Variants in KAZN observed in about 807,000 individuals in gnomAD.
KAZN encodes kazrin, periplakin interacting protein.
In KAZN, 40 loss-of-function variants were observed where a neutral mutation model predicts 87.4. The ratio of observed to expected loss-of-function variants is 0.46; its 90% CI spans 0.36 to 0.60. The LOEUF is 0.60. Among genes scored for constraint, KAZN ranks in the 20% least tolerant of loss-of-function variants. KAZN has a pLI of 0.00. For missense variants in KAZN, 898 were observed against 1,073.9 expected, an observed-to-expected ratio of 0.84 and a Z score of 2.29; for synonymous variants, 466 against 458.3, an observed-to-expected ratio of 1.02 and a Z score of -0.22.
intron 2 of KAZN, among the ~76,000 whole-genome samples, chr1:14,495,124 G>T (rs1423086865): frequency 1.3e-5 from 2 of 152,192 alleles, no homozygotes; most frequent in Non-Finnish European, 2.9e-5. Context: ...CTCCCAGAAC[G>T]GTATGCATCA....
intron 1 of KAZN, among the ~76,000 whole-genome samples, chr1:14,813,270 T>G (rs1327797763): frequency 6.6e-6 from 1 of 152,174 alleles, no homozygotes; most frequent in Non-Finnish European, 1.5e-5. Context: ...ATGACTTGAT[T>G]GAGTAATACA....
At chr1:15,015,934 C>G (rs575195386) in intron 2 of KAZN, among the ~76,000 whole-genome samples, 33 of 152,302 alleles carry the variant, frequency 2.2e-4, no homozygotes, top group African/African-American at 7.7e-4. Flanking sequence ...AGGGCGCCCC[C>G]ACTTAACCCC....
intron 2 of KAZN, among the ~76,000 whole-genome samples, chr1:14,509,903 G>A (rs1374845353): frequency 1.3e-5 from 2 of 152,162 alleles, no homozygotes; most frequent in Non-Finnish European, 2.9e-5. Flanking sequence ...AGGAGATGGA[G>A]CAAGCCATGC....
rs945672333 is a variant in KAZN at position 14,918,633 on chromosome 1, G to A, written c.227-42051G>A. On this transcript the variant is annotated intron_variant, in intron 1 of 14. Coordinates refer to ENST00000376030, the MANE Select transcript of KAZN (RefSeq NM_201628.3). ...AGAGGTTGCAGTGAGCTGAGATTGC[G>A]CCACTGAAGTCCAGCCTGGGCGACA... Among the ~76,000 whole-genome samples the A allele has an allele frequency of 2.5e-4, 34 of 137,256 alleles. 1 individual carries two copies. The highest frequency in any genetic ancestry group is 1.9e-3 in the South Asian group (8 of 4,244). The allele number at this position is 137,256 out of a possible 152,430, so 90.0% of individuals were successfully genotyped here.
At chr1:14,871,174 G>A (rs1652085611) in intron 1 of KAZN, among the ~76,000 whole-genome samples, 1 of 152,196 alleles carries the variant, frequency 6.6e-6, no homozygotes, top group Non-Finnish European at 1.5e-5. Flanking sequence ...GCCCTCTTTA[G>A]TCCTGCACCT....
At chr1:14,943,595 C>G (rs185821256) in intron 1 of KAZN, among the ~76,000 whole-genome samples, 1 of 152,200 alleles carries the variant, frequency 6.6e-6, no homozygotes, top group Non-Finnish European at 1.5e-5. Context: ...ATGGTATAGA[C>G]CCCCAATTAA....
chr1:14,557,521 C>T (rs976617658), intron 2 of KAZN, among the ~76,000 whole-genome samples: 7 of 151,438 alleles, frequency 4.6e-5, no homozygotes, highest in Non-Finnish European at 8.8e-5. Context: ...AACAAATAAT[C>T]GATATTTATA....
chr1:14,836,218 A>T (rs1647253168), intron 1 of KAZN, among the ~76,000 whole-genome samples: 1 of 152,176 alleles, frequency 6.6e-6, no homozygotes, highest in African/African-American at 2.4e-5. Flanking sequence ...CCTGGGCAGG[A>T]CAGAGAGAGG....
intron 2 of KAZN, among the ~76,000 whole-genome samples, chr1:14,267,865 CAGG>C (rs1234776688): frequency 6.6e-6 from 1 of 152,128 alleles, no homozygotes; most frequent in Non-Finnish European, 1.5e-5. Context: ...GACGCTGAGG[CAGG>C]AGAATCACTT....
chr1:13,905,443 G>A (rs1639399048), intron 1 of KAZN, among the ~76,000 whole-genome samples: 1 of 152,176 alleles, frequency 6.6e-6, no homozygotes, highest in African/African-American at 2.4e-5. Flanking sequence ...TTGAAGTAAT[G>A]AGGTATTAAG....
chr1:14,052,688 T>C (rs1433550761), intron 1 of KAZN, among the ~76,000 whole-genome samples: 2 of 152,182 alleles, frequency 1.3e-5, no homozygotes, highest in African/African-American at 4.8e-5. Context: ...CCAATCATCC[T>C]GGAGAGCAGC....
intron 1 of KAZN, among the ~76,000 whole-genome samples, chr1:13,949,574 TA>T (rs1330010220): frequency 1.3e-4 from 20 of 152,170 alleles, no homozygotes; most frequent in African/African-American, 4.8e-4. Flanking sequence ...TGGGGTTCCA[TA>T]ATGGCGATCA....
chr1:14,799,542 A>AT (rs1296359462), intron 1 of KAZN, among the ~76,000 whole-genome samples: 4 of 152,222 alleles, frequency 2.6e-5, no homozygotes, highest in Non-Finnish European at 2.9e-5. Flanking sequence ...CTTTCATTTA[A>AT]TTTTTTAGAG....
chr1:14,648,868 G>A (rs1681007635), intron 1 of KAZN, among the ~76,000 whole-genome samples: 2 of 152,182 alleles, frequency 1.3e-5, no homozygotes, highest in Admixed American at 1.3e-4. Flanking sequence ...TGGAGTCTTT[G>A]GGGCATGAGA....
chr1:14,784,155 G>A (rs199853639), intron 1 of KAZN, among the ~76,000 whole-genome samples: 1 of 152,186 alleles, frequency 6.6e-6, no homozygotes, highest in South Asian at 2.1e-4. Flanking sequence ...CTCGGGTGGA[G>A]TTTCTTCTTT....
intron 1 of KAZN, among the ~76,000 whole-genome samples, chr1:14,919,752 C>A (rs1409155751): frequency 6.6e-6 from 1 of 152,150 alleles, no homozygotes. Flanking sequence ...TGATGATGGT[C>A]CCGTAAGATT....
intron 2 of KAZN, among the ~76,000 whole-genome samples, chr1:14,187,599 G>C (rs1476332647): frequency 2.0e-5 from 3 of 152,116 alleles, no homozygotes; most frequent in African/African-American, 4.8e-5. Flanking sequence ...CCCACACCAG[G>C]TGACATCTGG....
chr1:14,480,403 C>A (rs1669005440), intron 2 of KAZN, among the ~76,000 whole-genome samples: 1 of 152,038 alleles, frequency 6.6e-6, no homozygotes, highest in Non-Finnish European at 1.5e-5. Flanking sequence ...GAGTGACAGG[C>A]CCCTAAACAT....
In KAZN at chr1:14,086,726, G is replaced by A. The variant is rs533366818; in HGVS notation, c.92-93709G>A. On this transcript the variant is annotated intron_variant, in intron 1 of 16. Transcript: ENST00000636203. ...TACATTTAGGTCTATGATCCATTTG[G>A]AGTTAATTTTTGTACATAGTATGAG... Among the ~76,000 whole-genome samples, 32 of 152,160 alleles carry A rather than the reference G, an allele frequency of 2.1e-4. 1 individual carries two copies. In the South Asian group the frequency reaches 6.6e-3, roughly 32 times the overall value.
Sources: gnomAD v4.1 joint callset for allele counts (sites outside exome capture counted in the v4.1 genomes callset) on GRCh38, gnomAD v4.1.1 for gene constraint, MANE v1.5 for transcripts, NCBI Gene and HGNC (gene_info 2026-07-23, HGNC 2026-07-21) for gene names.